EXOSC10: variants seen among roughly 807,000 people sequenced by gnomAD.
The protein encoded by EXOSC10 is exosome component 10.
In EXOSC10, 94 loss-of-function variants were observed where a neutral mutation model predicts 126.6. The observed-to-expected ratio is 0.74, with a 90% CI of 0.63 to 0.88. The LOEUF is 0.88. EXOSC10 is among the 40% of genes least tolerant of loss of function. The probability of loss-of-function intolerance (pLI) is 0.00; values close to 1 mark genes in which losing one functional copy is unlikely to be tolerated. For synonymous variants in EXOSC10, 395 were observed against 400.8 expected, an observed-to-expected ratio of 0.99 and a Z score of 0.17; for missense variants, 1,041 against 1,100.5, an observed-to-expected ratio of 0.95 and a Z score of 0.77.
intron 11 of EXOSC10, 42 bp downstream of exon 11, chr1:11,081,040 A>G: frequency 1.9e-6 from 3 of 1,606,880 alleles, no homozygotes; most frequent in Non-Finnish European, 2.6e-6. Flanking sequence ...CCAGACACAG[A>G]GCCCAAGTGT....
intron 17 of EXOSC10, among the ~76,000 whole-genome samples, chr1:11,076,387 CAT>C (rs1052737119): frequency 5.1e-4 from 78 of 152,164 alleles, no homozygotes; most frequent in African/African-American, 1.9e-3. Flanking sequence ...TGAAAGCACA[CAT>C]ATGTGGTGCT....
intron 3 of EXOSC10, among the ~76,000 whole-genome samples, chr1:11,092,450 T>C (rs1198827740): frequency 1.3e-5 from 2 of 151,522 alleles, no homozygotes; most frequent in African/African-American, 4.9e-5. Context: ...CTTGACCTTG[T>C]GAGCTGCCTG....
intron 6 of EXOSC10, among the ~76,000 whole-genome samples, chr1:11,088,544 T>C (rs1322200269): frequency 6.6e-6 from 1 of 152,190 alleles, no homozygotes; most frequent in African/African-American, 2.4e-5. Context: ...AAATAACAAA[T>C]CTGTAAAGTA....
chr1:11,080,279 A>G (rs1196247950), intron 13 of EXOSC10, among the ~76,000 whole-genome samples: 1 of 152,174 alleles, frequency 6.6e-6, no homozygotes, highest in Non-Finnish European at 1.5e-5. Flanking sequence ...AACTCAAACT[A>G]AGGCATAATC....
intron 18 of EXOSC10, 78 bp from the exon 19 acceptor site, chr1:11,074,086 G>A (rs1248135419): frequency 1.4e-6 from 2 of 1,464,738 alleles, no homozygotes; most frequent in Non-Finnish European, 9.6e-7. Flanking sequence ...CTCAGATGGG[G>A]GGTTGCTGGT....
rs567506950 is a variant in EXOSC10, at chr1:11,091,139, C to T, written c.518G>A (p.Arg173Gln). ...YGKKAKSETF[R>Q]LLHAKNIIRP... is the part of the protein sequence containing the mutation. ...GATGATATTTTTTGCATGAAGCAGC[C>T]GGAAAGTTTCAGATTTTGCTTTTTT... The change falls in exon 5 of 25, where the codon CGG becomes CAG. Residue 173 changes from arginine to glutamine, a missense_variant. By Grantham distance (43) the Arg-to-Gln change is conservative. Around this residue, in one of 3 missense-constraint regions of EXOSC10, gnomAD observed 645 missense variants for 656.3 expected, o/e 0.98. Transcript: ENST00000376936. 3.0e-5 allele frequency: 49 copies of T among 1,613,990 alleles called. 1 individual carries two copies. The highest frequency in any genetic ancestry group is 3.3e-4 in the Middle Eastern group (2 of 6,084).
At chr1:11,096,681 G>A (rs547630902) in intron 2 of EXOSC10, among the ~76,000 whole-genome samples, 5 of 151,432 alleles carry the variant, frequency 3.3e-5, no homozygotes, top group East Asian at 1.9e-4. Flanking sequence ...GTCTCCCTAC[G>A]TTGCCCAGGC....
chr1:11,069,259 G>GAGAGAGAGA (rs1553164212), intron 22 of EXOSC10, among the ~76,000 whole-genome samples: 2 of 132,476 alleles, frequency 1.5e-5, no homozygotes, highest in Admixed American at 8.3e-5. Context: ...GAGAGAGAGA[G>GAGAGAGAGA]GGTTTATGGG....
At chr1:11,067,206 C>T (rs571718745) in intron 24 of EXOSC10, among the ~76,000 whole-genome samples, 2 of 152,194 alleles carry the variant, frequency 1.3e-5, no homozygotes, top group East Asian at 1.9e-4. Flanking sequence ...CCGAGGCGGG[C>T]GGATCACAAG....
rs1318141175 is a variant in EXOSC10, at chr1:11,091,581, T to A, written c.389A>T (p.Glu130Val). The change falls in exon 4 of 25, where the codon GAA (glutamate) becomes GTA (valine). Residue 130 changes from glutamate to valine, a missense_variant. By Grantham distance (121) the Glu-to-Val change is moderately radical (BLOSUM62 -2). Around this residue, in one of 3 missense-constraint regions of EXOSC10, gnomAD observed 645 missense variants for 656.3 expected, o/e 0.98. Transcript: ENST00000376936. ...ILERVGILLD[E>V]ASGVNKNQQP... ...TTGATTCTTGTTTACACCTGAGGCT[T>A]CATCCAGTAAAATACCCTAAGAGTA... 6.2e-7 allele frequency: 1 copy of A among 1,614,082 alleles called. No homozygotes were observed. Among genetic ancestry groups the A allele is most frequent in the East Asian group, 2.2e-5 (1 of 44,884 alleles).
intron 6 of EXOSC10, among the ~76,000 whole-genome samples, chr1:11,089,050 T>A (rs1640650736): frequency 6.6e-6 from 1 of 151,834 alleles, no homozygotes; most frequent in East Asian, 1.9e-4. Flanking sequence ...AAAGACCCTG[T>A]GTTTACAAAA....
chr1:11,074,445 C>G, intron 17 of EXOSC10, 119 bp from the exon 18 acceptor site: 1 of 685,460 alleles, frequency 1.5e-6, no homozygotes, highest in South Asian at 1.7e-5. Context: ...CAGAGTCTCG[C>G]TCTTTTGCCC....
At chr1:11,089,338 G>A (rs539079171) in intron 6 of EXOSC10, among the ~76,000 whole-genome samples, 6 of 151,660 alleles carry the variant, frequency 4.0e-5, no homozygotes, top group South Asian at 2.1e-4. Flanking sequence ...GGCTGGGTGC[G>A]GTGGCTCGGG....
Position 11,072,147 on chromosome 1 carries a change from G to A in EXOSC10, c.2182C>T (p.Gln728Ter). Residue 728 changes from glutamine to a stop codon, truncating the protein, a stop_gained, in exon 20 of 25, where the codon CAG (glutamine) becomes TAG (stop). Coordinates refer to ENST00000376936, the MANE Select transcript of EXOSC10 (RefSeq NM_001001998.3). LOFTEE classifies it high-confidence loss of function. ...TTAGAGTCTTTTTGTACTTGTACCT[G>A]GGCCAGCTTCCAGCGGTTGCTGATC... ...YEISNRWKLA[Q>*]VQVQKDSKEA... is the part of the protein sequence containing the mutation. 1 of 1,613,406 alleles carries A rather than the reference G, an allele frequency of 6.2e-7. No homozygotes were observed. The highest frequency in any genetic ancestry group is 8.5e-7 in the Non-Finnish European group (1 of 1,179,764).
intron 3 of EXOSC10, among the ~76,000 whole-genome samples, chr1:11,093,955 C>A (rs773984870): frequency 6.6e-6 from 1 of 152,054 alleles, no homozygotes; most frequent in Admixed American, 6.6e-5. Flanking sequence ...TGGTGCACAC[C>A]TGCAGTCCCA....
intron 14 of EXOSC10, 25 bp from the exon 15 acceptor site, chr1:11,077,676 G>A: frequency 1.3e-6 from 2 of 1,595,616 alleles, no homozygotes; most frequent in Admixed American, 1.7e-5. Flanking sequence ...GAAGGGAATT[G>A]AGGAAAGTTG....
intron 15 of EXOSC10, 28 bp downstream of exon 15, chr1:11,077,573 G>C (rs1424224991): frequency 1.2e-6 from 2 of 1,612,866 alleles, no homozygotes; most frequent in Non-Finnish European, 1.7e-6. Flanking sequence ...TTTCCCTCCT[G>C]GGGGAGAAAA....
chr1:11,068,692 T>G lies in EXOSC10; in HGVS notation c.2503A>C (p.Lys835Gln). ...TTTGGATCAAACTGAGAAGAAACTT[T>G]GGATTTGCTGTTTCCTGAAAGGTAA... ...FKAFAGNSKS[K>Q]VSSQFDPNKQ... Residue 835 changes from lysine (K) to glutamine (Q), a missense_variant, in exon 23 of 25, where the codon AAA (lysine) becomes CAA (glutamine). Physicochemically the swap from Lys to Gln is moderately conservative, Grantham distance 53 (BLOSUM62 1). Around this residue, in one of 3 missense-constraint regions of EXOSC10, gnomAD observed 388 missense variants for 415.2 expected, o/e 0.93. Transcript: ENST00000376936. 1 of 1,614,180 alleles carries G rather than the reference T, an allele frequency of 6.2e-7. No homozygotes were observed. The highest frequency in any genetic ancestry group is 8.5e-7 in the Non-Finnish European group (1 of 1,179,992).
chr1:11,094,897 G>A (rs1161742197), intron 3 of EXOSC10, among the ~76,000 whole-genome samples: 2 of 152,034 alleles, frequency 1.3e-5, no homozygotes, highest in Non-Finnish European at 2.9e-5. Flanking sequence ...ACCACACCTG[G>A]CTGGAATAAG....
Sources: gnomAD v4.1 joint callset for allele counts (sites outside exome capture counted in the v4.1 genomes callset) on GRCh38, gnomAD v4.1.1 for gene constraint, gnomAD v4.1.1 regional missense constraint, MANE v1.5 for transcripts, NCBI Gene and HGNC (gene_info 2026-07-23, HGNC 2026-07-21) for gene names.